NDST3: variants seen among roughly 807,000 people sequenced by gnomAD.
The protein encoded by NDST3 is bifunctional heparan sulfate N-deacetylase/N-sulfotransferase 3.
NDST3 carries 58 observed loss-of-function variants against 96.1 expected under a neutral mutation model. The ratio of observed to expected loss-of-function variants is 0.60; its 90% CI spans 0.49 to 0.75. The LOEUF is 0.75. Ranked by LOEUF, NDST3 falls within the 30% of genes least tolerant of loss-of-function variation. The pLI, the probability that NDST3 is intolerant of heterozygous loss-of-function variation, is 0.00. For synonymous variants in NDST3, 333 were observed against 359.7 expected, an observed-to-expected ratio of 0.93 and a Z score of 0.84; for missense variants, 788 against 1,034.2, an observed-to-expected ratio of 0.76 and a Z score of 3.27.
intron 5 of NDST3, among the ~76,000 whole-genome samples, chr4:118,139,405 T>G (rs2125900870): frequency 6.6e-6 from 1 of 152,348 alleles, no homozygotes; most frequent in South Asian, 2.1e-4. Flanking sequence ...GTGGATCTGC[T>G]TTTGCAGCAA....
At chr4:118,213,898 C>G (rs533327325) in intron 6 of NDST3, among the ~76,000 whole-genome samples, 2 of 151,846 alleles carry the variant, frequency 1.3e-5, no homozygotes, top group East Asian at 1.9e-4. Flanking sequence ...TTTTCAGTAG[C>G]CTATTATGTA....
At chr4:118,232,576 T>C (rs13132331) in intron 8 of NDST3, among the ~76,000 whole-genome samples, 44,575 of 150,720 alleles carry the variant, frequency 0.3, 6,855 homozygotes, top group East Asian at 0.52. Context: ...GTGTCAAGGT[T>C]GTAGTGAGCC....
intron 6 of NDST3, among the ~76,000 whole-genome samples, chr4:118,171,045 T>A (rs1355215131): frequency 6.6e-6 from 1 of 152,080 alleles, no homozygotes. Context: ...CCCCCATGAG[T>A]GTGCTTGGGG....
chr4:118,156,127 T>C (rs1217205337), intron 6 of NDST3, among the ~76,000 whole-genome samples: 1 of 152,086 alleles, frequency 6.6e-6, no homozygotes, highest in Non-Finnish European at 1.5e-5. Flanking sequence ...TTTCTCATCC[T>C]TTTTTTCAAT....
intron 6 of NDST3, among the ~76,000 whole-genome samples, chr4:118,144,897 C>T (rs1156378358): frequency 6.6e-6 from 1 of 152,062 alleles, no homozygotes; most frequent in African/African-American, 2.4e-5. Flanking sequence ...ATTTATTGTG[C>T]TCAATTCTGC....
chr4:118,048,359 C>T (rs995838764), intron 1 of NDST3, among the ~76,000 whole-genome samples: 1 of 151,924 alleles, frequency 6.6e-6, no homozygotes, highest in Non-Finnish European at 1.5e-5. Context: ...GATGACAGGA[C>T]CAAAATCTCA....
chr4:118,054,055 G>A lies in NDST3; in HGVS notation c.145G>A (p.Glu49Lys). Reference sequence around the variant, plus strand: ...AAATGAACTCTCTGAGACGGCTTCAGAAGTTGACTGTGGCGACCTCCAACA... The same window carrying A: ...AAATGAACTCTCTGAGACGGCTTCAAAAGTTGACTGTGGCGACCTCCAACA... ...QENELSETAS[E>K]VDCGDLQHLP... is the part of the protein sequence containing the mutation. The change falls in exon 2 of 14, where the codon GAA (glutamate) becomes AAA (lysine). Residue 49 changes from glutamate (E) to lysine (K), a missense_variant. This residue lies in a region of NDST3 where 234 missense variants were observed against 256.9 expected (regional missense o/e 0.91). Transcript: ENST00000296499. 6.2e-7 allele frequency: 1 copy of A among 1,612,982 alleles called. No homozygotes were observed. Among genetic ancestry groups the A allele is most frequent in the Non-Finnish European group, 8.5e-7 (1 of 1,179,298 alleles).
chr4:118,255,754 C>A lies in NDST3; in HGVS notation c.*42C>A. 6.6e-7 allele frequency: 1 copy of A among 1,521,918 alleles called. No individual in the cohort carries two copies. Among genetic ancestry groups the A allele is most frequent in the Non-Finnish European group, 8.9e-7 (1 of 1,129,158 alleles). 94.3% of individuals were successfully genotyped at this position (1,521,918 alleles called of 1,614,324 possible). A position where few individuals can be genotyped will look rare whatever the true frequency, so the allele number is the denominator to read the frequency against. On this transcript the variant is annotated 3_prime_UTR_variant, in exon 14 of 14. Transcript: ENST00000296499. ...GAGACTTCATCGTCCATGTAGAACA[C>A]ACCTTTTCCAAAGCTTCCAGAAGCT...
At chr4:118,212,734 T>C (rs546313357) in intron 6 of NDST3, among the ~76,000 whole-genome samples, 70 of 152,306 alleles carry the variant, frequency 4.6e-4, no homozygotes, top group African/African-American at 1.7e-3. Flanking sequence ...ATTTTTTCTA[T>C]ACATGAGGAA....
intron 2 of NDST3, among the ~76,000 whole-genome samples, chr4:118,092,263 A>C (rs1248670581): frequency 6.6e-6 from 1 of 151,504 alleles, no homozygotes; most frequent in African/African-American, 2.4e-5. Context: ...GATTCGGGAA[A>C]GGCACTTGCC....
At chr4:118,038,020 A>G (rs1724246896) in intron 1 of NDST3, among the ~76,000 whole-genome samples, 1 of 152,154 alleles carries the variant, frequency 6.6e-6, no homozygotes, top group Admixed American at 6.5e-5. Context: ...CATAGCCAAC[A>G]CTGATCTGTA....
chr4:118,253,762 C>T (rs1406707487), intron 13 of NDST3, among the ~76,000 whole-genome samples, 161 bp downstream of exon 13: 3 of 151,896 alleles, frequency 2.0e-5, no homozygotes, highest in Non-Finnish European at 1.5e-5. Flanking sequence ...TTTGATTTAC[C>T]CACAATATAT....
intron 13 of NDST3, 21 bp downstream of exon 13, chr4:118,253,622 T>C (rs767664067): frequency 4.0e-6 from 6 of 1,499,280 alleles, no homozygotes; most frequent in East Asian, 2.3e-5. Flanking sequence ...ACCTTAAAAA[T>C]ACAAACTAAA....
Position 118,080,292 on chromosome 4 carries a change from G to A in NDST3, c.982-24726G>A, listed in dbSNP as rs72905204. 6.6e-3 allele frequency among the ~76,000 whole-genome samples: 1,011 copies of A among 152,036 alleles called. 9 individuals carry two copies. Among genetic ancestry groups the A allele is most frequent in the African/African-American group, 0.023 (963 of 41,472 alleles). On this transcript the variant is annotated intron_variant, in intron 2 of 13. Transcript: ENST00000296499. ...CAAGTAGAGATGTGCAGGCAATAGG[G>A]TATTCGAGTCTAGAGTTCAGAGAGA... is the stretch of plus-strand genomic sequence containing the variant.
chr4:118,188,256 T>C (rs959016909), intron 6 of NDST3, among the ~76,000 whole-genome samples: 2 of 149,448 alleles, frequency 1.3e-5, no homozygotes, highest in Non-Finnish European at 3.0e-5. Flanking sequence ...TTAGGACAGT[T>C]ACACCACCTA....
At chr4:118,247,308 T>C (rs990645360) in intron 12 of NDST3, among the ~76,000 whole-genome samples, 1 of 152,034 alleles carries the variant, frequency 6.6e-6, no homozygotes, top group Non-Finnish European at 1.5e-5. Flanking sequence ...TCCCAGCACT[T>C]TGGGAGGCCG....
rs559128930 is a variant in NDST3 at position 118,216,912 on chromosome 4, T to A, written c.1540-7579T>A. ...CCAGCTCAAAGCACATACAATATATTACAGACAGTTCAGAGAATAAAGTTG... is the reference window on the plus strand; with the variant it reads ...CCAGCTCAAAGCACATACAATATATAACAGACAGTTCAGAGAATAAAGTTG... On this transcript the variant is annotated intron_variant, in intron 6 of 13. Coordinates refer to ENST00000296499, the MANE Select transcript of NDST3 (RefSeq NM_004784.3). 3.3e-5 allele frequency among the ~76,000 whole-genome samples: 5 copies of A among 152,164 alleles called. No individual in the cohort carries two copies. The South Asian group carries it at 1.0e-3, about 32-fold the overall frequency.
chr4:118,149,902 T>C (rs1327437087), intron 6 of NDST3, among the ~76,000 whole-genome samples: 2 of 151,806 alleles, frequency 1.3e-5, no homozygotes, highest in East Asian at 3.9e-4. Flanking sequence ...TTGTCATAGA[T>C]AGCTCTTATT....
chr4:118,129,560 T>C (rs1290557989), intron 4 of NDST3, among the ~76,000 whole-genome samples: 1 of 152,032 alleles, frequency 6.6e-6, no homozygotes, highest in Non-Finnish European at 1.5e-5. Context: ...CGTTTGATAT[T>C]GTTTAGATTT....
Sources: gnomAD v4.1 joint callset for allele counts (sites outside exome capture counted in the v4.1 genomes callset) on GRCh38, gnomAD v4.1.1 for gene constraint, gnomAD v4.1.1 regional missense constraint, MANE v1.5 for transcripts, NCBI Gene and HGNC (gene_info 2026-07-23, HGNC 2026-07-21) for gene names.